Variants in COIL observed in about 807,000 individuals in gnomAD.
COIL encodes coilin p80.
Under a neutral mutation model 51.6 loss-of-function variants are expected in COIL, and 28 were observed. The ratio of observed to expected loss-of-function variants is 0.54; its 90% confidence interval spans 0.40 to 0.74. The LOEUF (loss-of-function observed/expected upper bound fraction) is 0.74, where lower values mean the gene tolerates loss of function less well. Among genes scored for constraint, COIL ranks in the 30% least tolerant of loss-of-function variants. COIL has a pLI of 0.00. For missense variants in COIL, 667 were observed against 685.9 expected (o/e 0.97, Z 0.31); for synonymous variants, 233 against 255.8 (o/e 0.91, Z 0.85).
At chr17:56,960,437 T>C (rs563858081) in intron 1 of COIL, among the ~76,000 whole-genome samples, 19 of 149,158 alleles carry the variant, frequency 1.3e-4, no homozygotes, top group Admixed American at 1.1e-3. Context: ...GGCAGGAAAA[T>C]TGCTTGAACC....
intron 1 of COIL, among the ~76,000 whole-genome samples, chr17:56,958,550 G>GT (rs1285745903): frequency 6.6e-6 from 1 of 152,168 alleles, no homozygotes; most frequent in Admixed American, 6.5e-5. Context: ...TCATCGTGTT[G>GT]TAATTATTAC....
intron 1 of COIL, chr17:56,952,325 C>A: frequency 2.2e-6 from 1 of 458,874 alleles, no homozygotes; most frequent in South Asian, 1.6e-5. Flanking sequence ...ACTGTACTGA[C>A]AACCTCGGCT....
At chr17:56,951,047 C>T (rs2144399633) in intron 1 of COIL, 51 bp from the exon 2 acceptor site, 2 of 1,496,278 alleles carry the variant, frequency 1.3e-6, no homozygotes, top group Non-Finnish European at 1.8e-6. Flanking sequence ...ATAAACACAT[C>T]TCCAGGACAT....
At chr17:56,948,132 ATTTT>A (rs11450212) in intron 4 of COIL, among the ~76,000 whole-genome samples, 2,000 of 123,794 alleles carry the variant, frequency 0.016, 50 homozygotes, top group African/African-American at 0.057. Context: ...TTGAGGAAAG[ATTTT>A]TTTTTTTTTT....
chr17:56,944,466 C>T (rs1314217313), intron 5 of COIL, among the ~76,000 whole-genome samples: 1 of 151,554 alleles, frequency 6.6e-6, no homozygotes, highest in Non-Finnish European at 1.5e-5. Context: ...GTGGCGGGTG[C>T]CTGTAGTCCC....
Position 56,950,060 on chromosome 17 carries a change from T to A in COIL, c.1182A>T (p.Gly394=). The A allele has an allele frequency of 6.2e-7, 1 of 1,614,018 alleles. No individual in the cohort carries two copies. The highest frequency in any genetic ancestry group is 8.5e-7 in the Non-Finnish European group (1 of 1,179,982). The part of the protein sequence containing the change: ...SVSLPASLGR[G]WGREENLFSW... ...AAAAAAGGTTCTCTTCTCTACCCCA[T>A]CCTCTTCCTAAACTAGCAGGGAGAG... Residue 394 remains glycine (G), a synonymous_variant, in exon 2 of 7, where the codon GGA becomes GGT. Coordinates refer to ENST00000240316, the MANE Select transcript of COIL (RefSeq NM_004645.3).
At chr17:56,946,351 CAAGG>C in intron 5 of COIL, 87 bp downstream of exon 5, 3 of 849,492 alleles carry the variant, frequency 3.5e-6, no homozygotes, top group Non-Finnish European at 5.7e-6. Context: ...ATATGGAGGC[CAAGG>C]AAGAGAACAT....
At chr17:56,951,946 G>A (rs1052328575) in intron 1 of COIL, among the ~76,000 whole-genome samples, 2 of 151,854 alleles carry the variant, frequency 1.3e-5, no homozygotes, top group East Asian at 3.9e-4. Context: ...AATTACAGGC[G>A]CCTGCCACTA....
chr17:56,939,099 C>T lies in COIL; in HGVS notation c.1703G>A (p.Ser568Asn). Residue 568 changes from serine to asparagine, a missense_variant, in exon 7 of 7, where the codon AGT (serine) becomes AAT (asparagine). Ser to Asn is a conservative substitution (Grantham distance 46). Coordinates refer to ENST00000240316, the MANE Select transcript of COIL (RefSeq NM_004645.3). ...IDPRLIIESPSNTSSTEPA is the reference protein window; with the variant it reads ...IDPRLIIESPNNTSSTEPA ...GGCAGGTTCTGTACTTGATGTGTTA[C>T]TTGGAGATTCAATAATCAGTCTTGG... 1 of 1,600,834 alleles carries T rather than the reference C, an allele frequency of 6.2e-7. No homozygotes were observed.
rs759157969 is a variant in COIL, at chr17:56,949,397, G to C, written c.1478C>G (p.Ser493Cys). The change falls in exon 4 of 7, where the codon TCT becomes TGT. Residue 493 changes from serine to cysteine, a missense_variant. Transcript: ENST00000240316. ...ELTSSYSPDV[S>C]DYKEGRILSH... ...AATAAACATCCTTACCTTGTAGTCA[G>C]AGACATCAGGAGAGTAACTGGATGT... 2.5e-6 allele frequency: 4 copies of C among 1,592,406 alleles called. No individual in the cohort carries two copies. The Admixed American group carries it at 7.8e-5, about 31-fold the overall frequency.
intron 5 of COIL, among the ~76,000 whole-genome samples, chr17:56,943,836 C>T (rs1418182676): frequency 1.3e-5 from 2 of 152,118 alleles, no homozygotes; most frequent in African/African-American, 2.4e-5. Flanking sequence ...GGACAAGTGA[C>T]ATTGCTATTA....
chr17:56,943,278 T>C (rs975919586), intron 5 of COIL, among the ~76,000 whole-genome samples: 1 of 152,262 alleles, frequency 6.6e-6, no homozygotes, highest in African/African-American at 2.4e-5. Flanking sequence ...TTTTACTTTG[T>C]AAAATCTTTG....
At chr17:56,940,269 C>T (rs1052184128) in intron 6 of COIL, 8 of 152,318 alleles carry the variant, frequency 5.3e-5, no homozygotes, top group African/African-American at 1.9e-4. Flanking sequence ...GTCACCACTC[C>T]CGGTTAATTT....
intron 1 of COIL, among the ~76,000 whole-genome samples, chr17:56,953,967 A>T (rs977761468): frequency 1.3e-5 from 2 of 152,210 alleles, no homozygotes; most frequent in African/African-American, 4.8e-5. Flanking sequence ...GCATCCTGTG[A>T]ATCTAAGAAC....
chr17:56,946,297 C>T, intron 5 of COIL, 145 bp downstream of exon 5: 1 of 537,728 alleles, frequency 1.9e-6, no homozygotes, highest in East Asian at 2.8e-5. Flanking sequence ...CTCTTATGAG[C>T]CCCCAGGGCT....
At chr17:56,946,577 T>C (rs933002307) in intron 4 of COIL, 66 bp from the exon 5 acceptor site, 7 of 1,008,088 alleles carry the variant, frequency 6.9e-6, no homozygotes, top group Non-Finnish European at 1.1e-5. Context: ...TAAAAACCAC[T>C]GAATTGTAGA....
intron 1 of COIL, among the ~76,000 whole-genome samples, chr17:56,959,237 G>A (rs1329157689): frequency 2.0e-5 from 3 of 152,060 alleles, no homozygotes; most frequent in Non-Finnish European, 2.9e-5. Flanking sequence ...CCAACTACTC[G>A]GGAGGCTGAG....
intron 5 of COIL, among the ~76,000 whole-genome samples, chr17:56,943,829 C>T (rs1479407109): frequency 6.6e-6 from 1 of 152,156 alleles, no homozygotes; most frequent in Non-Finnish European, 1.5e-5. Flanking sequence ...ACATCAAGGA[C>T]AAGTGACATT....
chr17:56,949,511 A>C, intron 3 of COIL, 77 bp from the exon 4 acceptor site: 2 of 1,505,742 alleles, frequency 1.3e-6, no homozygotes, highest in Non-Finnish European at 1.8e-6. Context: ...CCATCATGCC[A>C]TGTTGGCGTG....
Sources: allele counts gnomAD v4.1 joint callset (sites outside exome capture counted in the v4.1 genomes callset), GRCh38; gene constraint gnomAD v4.1.1; transcripts MANE v1.5; gene names NCBI Gene and HGNC (gene_info 2026-07-23, HGNC 2026-07-21).